NPTN: variants seen among roughly 807,000 people sequenced by gnomAD.
The protein encoded by NPTN is SDR-1.
In NPTN, 5 loss-of-function variants were observed where a neutral mutation model predicts 42.7. The ratio of observed to expected loss-of-function variants is 0.12; its 90% confidence interval spans 0.06 to 0.25. The LOEUF (loss-of-function observed/expected upper bound fraction) is 0.25. Among genes scored for constraint, NPTN ranks in the 10% least tolerant of loss-of-function variants. NPTN has a pLI of 1.00. For synonymous variants in NPTN, 180 were observed against 201.9 expected (o/e 0.89, Z 0.92); for missense variants, 307 against 525.4 (o/e 0.58, Z 4.06).
chr15:73,597,060 G>C lies in NPTN; in HGVS notation c.401C>G (p.Thr134Arg), dbSNP rs1432223083. 6.2e-7 allele frequency: 1 copy of C among 1,614,128 alleles called. No homozygotes were observed. Among genetic ancestry groups the C allele is most frequent in the African/African-American group, 1.3e-5 (1 of 75,038 alleles). ...RNDLRQNPSI[T>R]WIRAQATISV... is the part of the protein sequence containing the mutation. Reference sequence around the variant, plus strand: ...TATGGTGGCCTGGGCTCGAATCCATGTTATGGAGGGGTTTTGCCTCAAGTC... The same window carrying C: ...TATGGTGGCCTGGGCTCGAATCCATCTTATGGAGGGGTTTTGCCTCAAGTC... The change falls in exon 2 of 9, where the codon ACA (threonine) becomes AGA (arginine). Residue 134 changes from threonine (T) to arginine (R), a missense_variant. Coordinates refer to ENST00000345330, the MANE Select transcript of NPTN (RefSeq NM_012428.4). This position sits in a 1 kb window ranked among gnomAD's most constrained non-coding sequence, Gnocchi z 6.3.
intron 1 of NPTN, among the ~76,000 whole-genome samples, chr15:73,613,509 A>C (rs1234015285): frequency 1.3e-5 from 2 of 152,164 alleles, no homozygotes; most frequent in Non-Finnish European, 2.9e-5. Context: ...TATTTACAAA[A>C]GGTAGTTCTC....
chr15:73,579,749 G>C (rs979640137), intron 4 of NPTN, among the ~76,000 whole-genome samples: 1 of 152,110 alleles, frequency 6.6e-6, no homozygotes, highest in Admixed American at 6.5e-5. Flanking sequence ...CCAACCAATG[G>C]AGAGGGGCAC....
intron 4 of NPTN, among the ~76,000 whole-genome samples, chr15:73,580,812 T>C (rs1340194610): frequency 6.6e-6 from 1 of 151,886 alleles, no homozygotes; most frequent in African/African-American, 2.4e-5. Context: ...TCTGTATTAG[T>C]GTAGCGTAAA....
At chr15:73,618,885 C>T (rs1897989342) in intron 1 of NPTN, among the ~76,000 whole-genome samples, 1 of 151,868 alleles carries the variant, frequency 6.6e-6, no homozygotes, top group Non-Finnish European at 1.5e-5. Context: ...GAGACACCAT[C>T]TCTACAAAAA....
chr15:73,569,297 A>C lies in NPTN; in HGVS notation c.1114+853T>G. 1.0e-6 allele frequency: 1 copy of C among 985,596 alleles called. No individual in the cohort carries two copies. The highest frequency in any genetic ancestry group is 1.2e-6 in the Non-Finnish European group (1 of 830,064). 61.1% of individuals were successfully genotyped at this position (985,596 alleles called of 1,614,324 possible). ...AGCAGCTTCCCCCTTCACAGGAAAA[A>C]TCGATCACCAAAAATTTCCCAAGGC... is the stretch of plus-strand genomic sequence containing the variant. On this transcript the variant is annotated intron_variant, in intron 6 of 8. Coordinates refer to ENST00000345330, the MANE Select transcript of NPTN (RefSeq NM_012428.4). The surrounding 1 kb of genome is among the most constrained non-coding windows in gnomAD (Gnocchi z 4.1).
intron 4 of NPTN, among the ~76,000 whole-genome samples, chr15:73,579,688 CTTTA>C (rs1477989994): frequency 6.6e-6 from 1 of 152,076 alleles, no homozygotes; most frequent in African/African-American, 2.4e-5. Context: ...CACTTCCCCT[CTTTA>C]TTTGACACTC....
intron 1 of NPTN, among the ~76,000 whole-genome samples, chr15:73,629,156 A>T (rs749992827): frequency 6.6e-6 from 1 of 152,218 alleles, no homozygotes; most frequent in Non-Finnish European, 1.5e-5. Flanking sequence ...ATCCTCCCAG[A>T]CCGAACCAAT....
At chr15:73,563,293 GA>G (rs748696512) in intron 6 of NPTN, 36 bp from the exon 7 acceptor site, 3 of 1,611,596 alleles carry the variant, frequency 1.9e-6, no homozygotes, top group Non-Finnish European at 1.7e-6. Context: ...ATCCATGAGA[GA>G]TAAGAGAAGA....
At chr15:73,614,204 T>C (rs1307127913) in intron 1 of NPTN, among the ~76,000 whole-genome samples, 1 of 150,390 alleles carries the variant, frequency 6.6e-6, no homozygotes, top group Non-Finnish European at 1.5e-5. Flanking sequence ...CCTGTAGTAC[T>C]AGCTACTTGG....
chr15:73,571,657 C>T lies in NPTN; in HGVS notation c.841-1234G>A, dbSNP rs571077685. 3.9e-5 allele frequency among the ~76,000 whole-genome samples: 6 copies of T among 152,150 alleles called. No individual in the cohort carries two copies. In the South Asian group the frequency reaches 1.2e-3, roughly 32 times the overall value. ...GGTGCAAGAGTGCACAGGCAGAGGT[C>T]GGGACTCAGCGGGATGGCTCACTGC... is the stretch of plus-strand genomic sequence containing the variant. On this transcript the variant is annotated intron_variant, in intron 5 of 8. Transcript: ENST00000345330.
chr15:73,603,299 G>A (rs1322144164), intron 1 of NPTN, among the ~76,000 whole-genome samples: 2 of 152,170 alleles, frequency 1.3e-5, no homozygotes, highest in East Asian at 1.9e-4. Context: ...AACAGGCCAC[G>A]GGCAGCAGCC....
chr15:73,580,442 A>T (rs972742491), intron 4 of NPTN, among the ~76,000 whole-genome samples: 1,879 of 45,120 alleles, frequency 0.042, 113 homozygotes, highest in African/African-American at 0.11. Flanking sequence ...AATATATATA[A>T]TATATATGTA....
chr15:73,626,294 C>T (rs767223920), intron 1 of NPTN, among the ~76,000 whole-genome samples: 1 of 152,312 alleles, frequency 6.6e-6, no homozygotes, highest in South Asian at 2.1e-4. Context: ...ATAACAGACA[C>T]GGTTCTGCCT....
chr15:73,620,937 T>C (rs373522347), intron 1 of NPTN, among the ~76,000 whole-genome samples: 2 of 152,260 alleles, frequency 1.3e-5, no homozygotes, highest in African/African-American at 4.8e-5. Context: ...CTAAACATTG[T>C]ATTATTAGAG....
chr15:73,627,912 A>G (rs1393114120), intron 1 of NPTN, among the ~76,000 whole-genome samples: 3 of 152,164 alleles, frequency 2.0e-5, no homozygotes, highest in African/African-American at 7.2e-5. Flanking sequence ...ATATAAGCCT[A>G]AAATATGTAA....
In NPTN at chr15:73,605,111, GA is replaced by G. The variant is rs386785324; in HGVS notation, c.92-7743del. On this transcript the variant is annotated intron_variant, in intron 1 of 8. Coordinates refer to ENST00000345330, the MANE Select transcript of NPTN (RefSeq NM_012428.4). ...AGACCCTGTCTCAAGGGGGGGGGGGGAAAAGAATGATCTAAACTAGTCCTGA... is the reference window on the plus strand; with the variant it reads ...AGACCCTGTCTCAAGGGGGGGGGGGGAAAGAATGATCTAAACTAGTCCTGA... Among the ~76,000 whole-genome samples the G allele has an allele frequency of 2.9e-3, 405 of 140,540 alleles. 7 individuals carry two copies. The highest frequency in any genetic ancestry group is 3.7e-3 in the Admixed American group (54 of 14,606). 92.2% of individuals were successfully genotyped at this position (140,540 alleles called of 152,430 possible). A position where few individuals can be genotyped will look rare whatever the true frequency, so the allele number is the denominator to read the frequency against.
chr15:73,605,113 A>AGGGGG (rs1555410817), intron 1 of NPTN, among the ~76,000 whole-genome samples: 11 of 132,510 alleles, frequency 8.3e-5, no homozygotes, highest in African/African-American at 2.9e-4. Context: ...GGGGGGGGGA[A>AGGGGG]AAGAATGATC....
chr15:73,586,566 C>G (rs1896329519), intron 4 of NPTN, among the ~76,000 whole-genome samples: 2 of 152,176 alleles, frequency 1.3e-5, no homozygotes, highest in South Asian at 2.1e-4. Context: ...TGTGTCTAAG[C>G]CTTTCTTGAA....
At position 73,580,408 on chromosome 15, in the gene NPTN, AT is replaced by A. The variant is rs1197498637; in HGVS notation, c.707-6614del. The stretch of plus-strand genomic sequence containing the variant: ...ACTTTAAAATATATATATTATATAT[AT>A]AATATATATATAATATATATATAAT... On this transcript the variant is annotated intron_variant, in intron 4 of 8. Transcript: ENST00000345330. 2.9e-5 allele frequency among the ~76,000 whole-genome samples: 3 copies of A among 103,852 alleles called. No individual in the cohort carries two copies. The Admixed American group carries it at 3.2e-4, about 11-fold the overall frequency. 68.1% of individuals were successfully genotyped at this position (103,852 alleles called of 152,430 possible). A position where few individuals can be genotyped will look rare whatever the true frequency, so the allele number is the denominator to read the frequency against.
Sources: gnomAD v4.1 joint callset for allele counts (sites outside exome capture counted in the v4.1 genomes callset) on GRCh38, gnomAD v4.1.1 for gene constraint, Gnocchi (gnomAD v3.1) non-coding constraint, MANE v1.5 for transcripts, NCBI Gene and HGNC (gene_info 2026-07-23, HGNC 2026-07-21) for gene names.